DNASE1: variants seen among roughly 807,000 people sequenced by gnomAD.
The protein encoded by DNASE1 is deoxyribonuclease 1.
In DNASE1, 40 loss-of-function variants were observed where a neutral mutation model predicts 33.9. The ratio of observed to expected loss-of-function variants is 1.18; its 90% CI spans 0.92 to 1.54. The LOEUF is 1.54. Ranked by LOEUF, DNASE1 falls within the 40% of genes most tolerant of loss-of-function variation. DNASE1 has a pLI of 0.00. For synonymous variants in DNASE1, 216 were observed against 160.0 expected (o/e 1.35, Z -2.64); for missense variants, 518 against 372.6 (o/e 1.39, Z -3.21).
exon 1 of DNASE1, chr16:3,611,883 T>C (rs2040890226): frequency 6.6e-6 from 1 of 152,398 alleles, no homozygotes; most frequent in South Asian, 2.1e-4. Context: ...GCTCAGGAAA[T>C]GTTCGCGGAT....
chr16:3,646,227 C>T (rs751333501), intron 1 of DNASE1, among the ~76,000 whole-genome samples: 2 of 152,008 alleles, frequency 1.3e-5, no homozygotes, highest in South Asian at 2.1e-4. Flanking sequence ...GGGGGGTCTG[C>T]GGGGAACCTG....
chr16:3,623,991 A>T (rs2041415693), intron 1 of DNASE1, among the ~76,000 whole-genome samples: 2 of 152,062 alleles, frequency 1.3e-5, no homozygotes, highest in Non-Finnish European at 2.9e-5. Context: ...CTATATAGAA[A>T]ACAGTATGGA....
chr16:3,639,172 A>G (rs1486545724), upstream of DNASE1, among the ~76,000 whole-genome samples: 1 of 152,038 alleles, frequency 6.6e-6, no homozygotes, highest in African/African-American at 2.4e-5. Flanking sequence ...TCCACCCTTC[A>G]TTGCCACTTG....
In DNASE1 at chr16:3,656,622, C is replaced by G; in HGVS notation, c.321-16C>G. 1 of 1,598,646 alleles carries G rather than the reference C, an allele frequency of 6.3e-7. No individual in the cohort carries two copies. Among genetic ancestry groups the G allele is most frequent in the South Asian group, 1.1e-5 (1 of 88,974 alleles). ...TCCAGCCTGGGGTCACCTCCTCCTGCCCGGCCTTCCCGCAGGCCTGACCAG... is the reference window on the plus strand; with the variant it reads ...TCCAGCCTGGGGTCACCTCCTCCTGGCCGGCCTTCCCGCAGGCCTGACCAG... On this transcript the variant is annotated splice_polypyrimidine_tract_variant and intron_variant, in intron 4 of 8. Transcript: ENST00000246949.
At chr16:3,634,449 C>T (rs533127473) in intron 1 of DNASE1, among the ~76,000 whole-genome samples, 3 of 151,782 alleles carry the variant, frequency 2.0e-5, no homozygotes, top group East Asian at 3.9e-4. Flanking sequence ...AGGCTGGTCT[C>T]GAACTCCTGA....
At chr16:3,658,615 G>C (rs537971545), downstream of DNASE1, 1 of 632,122 alleles carries the variant, frequency 1.6e-6, no homozygotes, top group African/African-American at 1.8e-5. Context: ...AGAGGTTGTA[G>C]TGAGCCAAGA....
At position 3,620,786 on chromosome 16, in the gene DNASE1, AT is replaced by A. The variant is rs75645360; in HGVS notation, c.-1359+8791del. Among the ~76,000 whole-genome samples, 1,287 of 147,264 alleles carry A rather than the reference AT, an allele frequency of 8.7e-3. 14 individuals carry two copies. Among genetic ancestry groups the A allele is most frequent in the African/African-American group, 0.025 (1,011 of 40,248 alleles). ...ATGTGTGTTTTGTTTGGTTTGCCTG[AT>A]TTTTTTTTTTAAAAAGTTTATTATT... On this transcript the variant is annotated intron_variant and NMD_transcript_variant, in intron 1 of 11. Coordinates refer to the DNASE1 transcript ENST00000570769.
chr16:3,661,708 C>T (rs1314946693), downstream of DNASE1: 5 of 372,306 alleles, frequency 1.3e-5, no homozygotes, highest in Non-Finnish European at 2.4e-5. Context: ...TGAGCATGTC[C>T]AGGACACGCA....
At chr16:3,616,870 G>A (rs971779007) in intron 1 of DNASE1, among the ~76,000 whole-genome samples, 5 of 152,054 alleles carry the variant, frequency 3.3e-5, no homozygotes, top group African/African-American at 9.7e-5. Context: ...GATTTTGTCC[G>A]GGATGCCAAG....
chr16:3,630,811 G>C (rs1567192469), intron 1 of DNASE1, among the ~76,000 whole-genome samples: 1 of 151,836 alleles, frequency 6.6e-6, no homozygotes, highest in Non-Finnish European at 1.5e-5. Flanking sequence ...AATCTAGCCT[G>C]AGCAACATAG....
chr16:3,658,274 C>T, downstream of DNASE1: 1 of 1,473,696 alleles, frequency 6.8e-7, no homozygotes. Context: ...GCATGGGGCA[C>T]CTTTTCATTT....
downstream of DNASE1, chr16:3,658,279 T>G (rs1422551879): frequency 2.8e-6 from 4 of 1,447,910 alleles, no homozygotes; most frequent in Non-Finnish European, 3.8e-6. Context: ...GGGCACCTTT[T>G]CATTTTTTTT....
upstream of DNASE1, chr16:3,641,225 C>T: frequency 2.9e-6 from 1 of 344,102 alleles, no homozygotes; most frequent in Non-Finnish European, 5.2e-6. Flanking sequence ...GCTTAGGAAG[C>T]CGCCTTGGCA....
chr16:3,618,081 A>G (rs1324690879), intron 1 of DNASE1, among the ~76,000 whole-genome samples: 1 of 134,818 alleles, frequency 7.4e-6, no homozygotes, highest in Non-Finnish European at 1.5e-5. Flanking sequence ...GAAGAAGCCA[A>G]GACCAAAAAA....
At chr16:3,657,696 C>A in intron 7 of DNASE1, 24 bp from the exon 8 acceptor site, 1 of 1,613,436 alleles carries the variant, frequency 6.2e-7, no homozygotes, top group African/African-American at 1.3e-5. Context: ...GGGGAACCTA[C>A]TTTCTCTTCC....
At chr16:3,656,949 T>C (rs1173369408) in intron 5 of DNASE1, 50 bp from the exon 6 acceptor site, 1 of 1,597,424 alleles carries the variant, frequency 6.3e-7, no homozygotes, top group East Asian at 2.3e-5. Flanking sequence ...ACATGGTGAC[T>C]GAACCTGCCC....
At chr16:3,614,376 CAAGAA>C (rs2041026916) in intron 1 of DNASE1, among the ~76,000 whole-genome samples, 1 of 152,052 alleles carries the variant, frequency 6.6e-6, no homozygotes, top group Admixed American at 6.6e-5. Context: ...TTACATTTCT[CAAGAA>C]AAGGAGGCGT....
chr16:3,646,102 G>A (rs2151198156), intron 1 of DNASE1, among the ~76,000 whole-genome samples: 1 of 152,272 alleles, frequency 6.6e-6, no homozygotes, highest in South Asian at 2.1e-4. Context: ...GGCTGTGGGA[G>A]CCACTGCAAC....
intron 1 of DNASE1, 127 bp downstream of exon 1, chr16:3,655,171 TGGATG>T (rs2042514160): frequency 1.5e-6 from 1 of 685,614 alleles, no homozygotes; most frequent in African/African-American, 1.8e-5. Context: ...GGTTTTCTGG[TGGATG>T]GAGGAGTGAC....
Sources: allele counts gnomAD v4.1 joint callset (sites outside exome capture counted in the v4.1 genomes callset), GRCh38; gene constraint gnomAD v4.1.1; transcripts MANE v1.5; gene names NCBI Gene and HGNC (gene_info 2026-07-23, HGNC 2026-07-21).